Variants in CRYBG1 observed in about 807,000 individuals in gnomAD.
CRYBG1 encodes crystallin beta-gamma domain containing 1, also known as beta/gamma crystallin domain-containing protein 1.
CRYBG1 carries 139 observed loss-of-function variants against 189.2 expected under a neutral mutation model. That is an observed-to-expected ratio of 0.73 (90% CI 0.64 to 0.85). The LOEUF (loss-of-function observed/expected upper bound fraction) is 0.85, where lower values mean the gene tolerates loss of function less well. CRYBG1 is among the 40% of genes least tolerant of loss of function. CRYBG1 has a pLI of 0.00. For missense variants in CRYBG1, 2,611 were observed against 2,675.8 expected (o/e 0.98, Z 0.53); for synonymous variants, 1,023 against 1,017.1 (o/e 1.01, Z -0.11).
chr6:106,560,671 A>G, intron 18 of CRYBG1, 132 bp from the exon 19 acceptor site: 1 of 1,130,412 alleles, frequency 8.8e-7, no homozygotes, highest in Non-Finnish European at 1.2e-6. Flanking sequence ...TCTAGAAAAG[A>G]TCATTTTTCC....
chr6:106,427,563 T>A (rs1372454806), intron 1 of CRYBG1, among the ~76,000 whole-genome samples: 1 of 152,244 alleles, frequency 6.6e-6, no homozygotes, highest in East Asian at 1.9e-4. Flanking sequence ...TCTTCTGTGA[T>A]GTCTAGCTTG....
chr6:106,471,431 T>C (rs150600614), intron 2 of CRYBG1, among the ~76,000 whole-genome samples: 15 of 152,350 alleles, frequency 9.8e-5, no homozygotes, highest in Non-Finnish European at 1.8e-4. Context: ...AGTCTGCTGA[T>C]AGCTAATGCT....
chr6:106,375,553 A>T (rs1026222643), intron 1 of CRYBG1, among the ~76,000 whole-genome samples: 1 of 152,170 alleles, frequency 6.6e-6, no homozygotes, highest in Non-Finnish European at 1.5e-5. Context: ...TGTTCATCTC[A>T]TGAGTCGGAT....
chr6:106,423,484 C>T (rs1203988612), intron 1 of CRYBG1, among the ~76,000 whole-genome samples: 1 of 151,728 alleles, frequency 6.6e-6, no homozygotes, highest in Non-Finnish European at 1.5e-5. Flanking sequence ...AACATTTTTA[C>T]CTGTGTTATA....
At chr6:106,517,843 G>A (rs1208937101) in intron 3 of CRYBG1, among the ~76,000 whole-genome samples, 5 of 152,114 alleles carry the variant, frequency 3.3e-5, no homozygotes, top group African/African-American at 9.7e-5. Flanking sequence ...GCCAAACAGA[G>A]CACATTTTGT....
intron 9 of CRYBG1, 74 bp downstream of exon 9, chr6:106,539,603 T>G: frequency 6.6e-7 from 1 of 1,519,472 alleles, no homozygotes; most frequent in East Asian, 2.3e-5. Flanking sequence ...GGTGTGACTT[T>G]GAAGCAATAA....
At chr6:106,483,053 C>T (rs997513644) in intron 2 of CRYBG1, among the ~76,000 whole-genome samples, 12 of 152,044 alleles carry the variant, frequency 7.9e-5, no homozygotes, top group African/African-American at 2.4e-4. Context: ...GTTAACATCA[C>T]CTTACTGTGA....
intron 2 of CRYBG1, among the ~76,000 whole-genome samples, chr6:106,471,953 T>C (rs1171385203): frequency 6.6e-6 from 1 of 152,258 alleles, no homozygotes; most frequent in Non-Finnish European, 1.5e-5. Context: ...AACATTTCTT[T>C]CAACAGATTG....
intron 1 of CRYBG1, among the ~76,000 whole-genome samples, chr6:106,368,524 G>C (rs1769951470): frequency 6.6e-6 from 1 of 152,148 alleles, no homozygotes; most frequent in Admixed American, 6.6e-5. Flanking sequence ...TAGCAAGAAT[G>C]ACCAGCGAAT....
intron 1 of CRYBG1, among the ~76,000 whole-genome samples, chr6:106,434,913 T>C (rs1307053854): frequency 3.3e-5 from 5 of 152,264 alleles, no homozygotes; most frequent in African/African-American, 9.6e-5. Flanking sequence ...TTTATGGATT[T>C]GTTGAGTTGT....
intron 1 of CRYBG1, among the ~76,000 whole-genome samples, chr6:106,391,330 C>A (rs1342673650): frequency 6.6e-6 from 1 of 152,282 alleles, no homozygotes; most frequent in South Asian, 2.1e-4. Flanking sequence ...GATCTGCCCA[C>A]CTAGGCCTCC....
chr6:106,407,231 C>A (rs1029468821), intron 1 of CRYBG1, among the ~76,000 whole-genome samples: 1 of 151,960 alleles, frequency 6.6e-6, no homozygotes, highest in Admixed American at 6.6e-5. Flanking sequence ...GCAGGGGTTG[C>A]AATCCTAGTC....
intron 2 of CRYBG1, among the ~76,000 whole-genome samples, chr6:106,505,890 G>T (rs1773122145): frequency 6.6e-6 from 1 of 151,882 alleles, no homozygotes; most frequent in African/African-American, 2.4e-5. Flanking sequence ...GTATCTTTCA[G>T]AAATCAACAA....
intron 1 of CRYBG1, among the ~76,000 whole-genome samples, chr6:106,401,446 T>G (rs191245499): frequency 0.038 from 5,353 of 141,362 alleles, 356 homozygotes; most frequent in African/African-American, 0.13. Context: ...AGGGTACATG[T>G]GCACATTGTG....
At chr6:106,487,700 C>G (rs1164948277) in intron 2 of CRYBG1, among the ~76,000 whole-genome samples, 1 of 152,140 alleles carries the variant, frequency 6.6e-6, no homozygotes, top group Non-Finnish European at 1.5e-5. Context: ...ATTTCTCATA[C>G]AGATTATGAA....
At chr6:106,493,795 G>A (rs1382616096) in intron 2 of CRYBG1, among the ~76,000 whole-genome samples, 1 of 152,098 alleles carries the variant, frequency 6.6e-6, no homozygotes, top group East Asian at 1.9e-4. Flanking sequence ...ACACACTGGG[G>A]CCTGTCAGCA....
At chr6:106,497,478 A>G (rs1287636938) in intron 2 of CRYBG1, among the ~76,000 whole-genome samples, 1 of 151,854 alleles carries the variant, frequency 6.6e-6, no homozygotes, top group Non-Finnish European at 1.5e-5. Context: ...TTCCCCCTGC[A>G]CCCCTTAGTA....
intron 2 of CRYBG1, among the ~76,000 whole-genome samples, chr6:106,489,015 A>G (rs1772655651): frequency 6.6e-6 from 1 of 152,162 alleles, no homozygotes; most frequent in Non-Finnish European, 1.5e-5. Context: ...AACTGTTCAC[A>G]CTGGACTTAG....
intron 2 of CRYBG1, among the ~76,000 whole-genome samples, chr6:106,503,916 A>G (rs985298516): frequency 6.6e-6 from 1 of 151,744 alleles, no homozygotes; most frequent in Non-Finnish European, 1.5e-5. Context: ...CTTTTTCAGG[A>G]CACAGGTTAA....
Sources: gnomAD v4.1 joint callset for allele counts (sites outside exome capture counted in the v4.1 genomes callset) on GRCh38, gnomAD v4.1.1 for gene constraint, MANE v1.5 for transcripts, NCBI Gene and HGNC (gene_info 2026-07-23, HGNC 2026-07-21) for gene names.